The following ZBTB1 variants were observed in gnomAD, a reference collection of about 807,000 sequenced individuals.
ZBTB1 encodes the protein zinc finger and BTB domain containing 1.
In ZBTB1, 13 loss-of-function variants were observed where a neutral mutation model predicts 51.6. The ratio of observed to expected loss-of-function variants is 0.25; its 90% CI spans 0.16 to 0.40. The LOEUF (loss-of-function observed/expected upper bound fraction) is 0.40. ZBTB1 is among the 10% of genes least tolerant of loss of function. ZBTB1 has a pLI of 1.00. For synonymous variants in ZBTB1, 240 were observed against 282.2 expected (o/e 0.85, Z 1.50); for missense variants, 567 against 856.5 (o/e 0.66, Z 4.22).
At chr14:64,510,065 A>C (rs2140094551) in intron 1 of ZBTB1, among the ~76,000 whole-genome samples, 1 of 152,312 alleles carries the variant, frequency 6.6e-6, no homozygotes, top group Non-Finnish European at 1.5e-5. Context: ...CTCACCAGTT[A>C]TTCATTCAGT....
At chr14:64,515,319 C>T (rs1335317155) in intron 1 of ZBTB1, among the ~76,000 whole-genome samples, 1 of 152,128 alleles carries the variant, frequency 6.6e-6, no homozygotes, top group East Asian at 1.9e-4. Context: ...CAAAAGCAAT[C>T]ACAGATTTCA....
At chr14:64,518,096 CA>C (rs1489477924) in intron 1 of ZBTB1, among the ~76,000 whole-genome samples, 1 of 152,012 alleles carries the variant, frequency 6.6e-6, no homozygotes, top group Non-Finnish European at 1.5e-5. Context: ...CTTGGCCTCC[CA>C]AAGTGCTGGG....
At position 64,522,016 on chromosome 14, in the gene ZBTB1, A is replaced by G. The variant is rs762215264; in HGVS notation, c.512A>G (p.His171Arg). 1.9e-6 allele frequency: 3 copies of G among 1,614,264 alleles called. No individual in the cohort carries two copies. Among genetic ancestry groups the G allele is most frequent in the South Asian group, 1.1e-5 (1 of 91,086 alleles). ...CCAAGTTCAACGGTAAATACACCAC[A>G]TAATAGAGAGGCTGATGAAGAGTCT... The part of the protein sequence containing the change: ...AEPSSTVNTP[H>R]NREADEESLQ... The change falls in exon 2 of 2, where the codon CAT becomes CGT. Residue 171 changes from histidine to arginine, a missense_variant. Transcript: ENST00000683701.
At position 64,522,019 on chromosome 14, in the gene ZBTB1, A is replaced by G; in HGVS notation, c.515A>G (p.Asn172Ser). 1 of 1,614,240 alleles carries G rather than the reference A, an allele frequency of 6.2e-7. No individual in the cohort carries two copies. The highest frequency in any genetic ancestry group is 8.5e-7 in the Non-Finnish European group (1 of 1,180,042). Residue 172 changes from asparagine (N) to serine (S), a missense_variant, in exon 2 of 2, where the codon AAT becomes AGT. By Grantham distance (46) the Asn-to-Ser change is conservative. This residue lies in a region of ZBTB1 where 74 missense variants were observed against 74.9 expected (regional missense o/e 0.99). Coordinates refer to ENST00000683701, the MANE Select transcript of ZBTB1 (RefSeq NM_001123329.2). Reference protein sequence around the residue: ...EPSSTVNTPHNREADEESLQL... With the variant: ...EPSSTVNTPHSREADEESLQL... The stretch of plus-strand genomic sequence containing the variant: ...AGTTCAACGGTAAATACACCACATA[A>G]TAGAGAGGCTGATGAAGAGTCTTTA...
At chr14:64,505,217 T>G (rs2079628937) in intron 1 of ZBTB1, 2 of 290,166 alleles carry the variant, frequency 6.9e-6, no homozygotes, top group Non-Finnish European at 1.3e-5. Context: ...CTTCTTTTCT[T>G]TCTTTCTCTG....
At chr14:64,505,108 C>T in intron 1 of ZBTB1, 162 bp downstream of exon 1, 1 of 350,028 alleles carries the variant, frequency 2.9e-6, no homozygotes, top group Non-Finnish European at 5.1e-6. Context: ...GGGCGGCTGC[C>T]AGGCCGCCTG....
intron 1 of ZBTB1, among the ~76,000 whole-genome samples, chr14:64,513,286 T>C (rs771674926): frequency 5.9e-5 from 9 of 152,186 alleles, no homozygotes; most frequent in Non-Finnish European, 1.2e-4. Flanking sequence ...GAGAGATATA[T>C]ATACATCTCC....
chr14:64,506,276 TAA>T (rs1322465393), intron 1 of ZBTB1, among the ~76,000 whole-genome samples: 1 of 152,216 alleles, frequency 6.6e-6, no homozygotes, highest in Non-Finnish European at 1.5e-5. Flanking sequence ...CTCACGCCTG[TAA>T]TCCCAACACT....
chr14:64,526,903 G>A (rs1390588585), downstream of ZBTB1, among the ~76,000 whole-genome samples: 2 of 151,722 alleles, frequency 1.3e-5, no homozygotes, highest in Non-Finnish European at 2.9e-5. Flanking sequence ...TAATTAGCAG[G>A]GCATGGTGGC....
intron 1 of ZBTB1, among the ~76,000 whole-genome samples, chr14:64,520,666 A>G (rs1221002599): frequency 1.3e-5 from 2 of 152,176 alleles, no homozygotes; most frequent in Admixed American, 1.3e-4. Context: ...TGTAAATACT[A>G]AAGTATATAT....
At chr14:64,518,416 G>A (rs1439697886) in intron 1 of ZBTB1, 1 of 152,158 alleles carries the variant, frequency 6.6e-6, no homozygotes, top group Non-Finnish European at 1.5e-5. Flanking sequence ...GAAGGCAGCA[G>A]GTTTCATCAT....
chr14:64,503,985 T>C (rs771798961), upstream of ZBTB1: 36 of 151,980 alleles, frequency 2.4e-4, no homozygotes, highest in Admixed American at 2.0e-3. Flanking sequence ...GGCGGAAGCA[T>C]AGGGACAAGC....
upstream of ZBTB1, chr14:64,503,757 T>G (rs1247730657): frequency 2.4e-5 from 7 of 291,706 alleles, no homozygotes; most frequent in African/African-American, 1.4e-4. Flanking sequence ...CACGCACCCC[T>G]CGGCCGCCTC....
intron 1 of ZBTB1, among the ~76,000 whole-genome samples, chr14:64,505,403 C>G (rs1410896932): frequency 1.3e-5 from 2 of 152,110 alleles, no homozygotes; most frequent in Non-Finnish European, 2.9e-5. Flanking sequence ...AGGGAGGAGG[C>G]GTAAGATCCG....
chr14:64,515,444 CA>C (rs1247395369), intron 1 of ZBTB1, among the ~76,000 whole-genome samples: 2 of 149,466 alleles, frequency 1.3e-5, no homozygotes, highest in Non-Finnish European at 3.0e-5. Flanking sequence ...ATAAAGAGGT[CA>C]AAAAAATGAA....
downstream of ZBTB1, among the ~76,000 whole-genome samples, chr14:64,528,344 C>CTTTTTTTTTTTTTTTTTTTTT (rs71123857): frequency 1.7e-5 from 2 of 115,536 alleles, no homozygotes; most frequent in African/African-American, 3.5e-5. Context: ...TTTTTCTTTT[C>CTTTTTTTTTTTTTTTTTTTTT]TTTTTTTTTT....
Position 64,524,475 on chromosome 14 carries a change from G to A in ZBTB1, c.*829G>A. 1.2e-6 allele frequency: 1 copy of A among 845,960 alleles called. No individual in the cohort carries two copies. The highest frequency in any genetic ancestry group is 1.4e-6 in the Non-Finnish European group (1 of 703,074). The allele number at this position is 845,960 out of a possible 1,614,324, so 52.4% of individuals were successfully genotyped here. A position where few individuals can be genotyped will look rare whatever the true frequency, so the allele number is the denominator to read the frequency against. ...TTTAAAATATTCTGATTTCTAAAGT[G>A]TGTTAGCTTATCAATTATTTTTGTT... On this transcript the variant is annotated 3_prime_UTR_variant, in exon 2 of 2. Coordinates refer to ENST00000683701, the MANE Select transcript of ZBTB1 (RefSeq NM_001123329.2).
intron 1 of ZBTB1, chr14:64,514,249 A>C (rs59440409): frequency 0.17 from 26,377 of 152,230 alleles, 2,608 homozygotes; most frequent in Non-Finnish European, 0.22. Flanking sequence ...TATATACATA[A>C]ATCTTCCTTG....
chr14:64,518,273 T>G (rs1318923874), intron 1 of ZBTB1: 1 of 152,248 alleles, frequency 6.6e-6, no homozygotes, highest in East Asian at 1.9e-4. Context: ...ACATTGCTTT[T>G]TGTATTTAGA....
Sources: gnomAD v4.1 joint callset for allele counts (sites outside exome capture counted in the v4.1 genomes callset) on GRCh38, gnomAD v4.1.1 for gene constraint, gnomAD v4.1.1 regional missense constraint, MANE v1.5 for transcripts, NCBI Gene and HGNC (gene_info 2026-07-23, HGNC 2026-07-21) for gene names.